NSL1: variants seen among roughly 807,000 people sequenced by gnomAD.
NSL1 encodes the protein NSL1 component of MIS12 kinetochore complex.
In NSL1, 11 loss-of-function variants were observed where a neutral mutation model predicts 25.4. The observed-to-expected ratio is 0.43, with a 90% CI of 0.27 to 0.72. NSL1 has a LOEUF of 0.72. NSL1 is among the 30% of genes least tolerant of loss of function. The pLI, the probability that NSL1 is intolerant of heterozygous loss-of-function variation, is 0.19. For synonymous variants in NSL1, 118 were observed against 120.6 expected (o/e 0.98, Z 0.14); for missense variants, 330 against 342.7 (o/e 0.96, Z 0.29).
rs1660854940 is a variant in NSL1 at position 212,784,398 on chromosome 1, C to T, written c.409G>A (p.Val137Ile). 1 of 1,588,982 alleles carries T rather than the reference C, an allele frequency of 6.3e-7. No homozygotes were observed. Among genetic ancestry groups the T allele is most frequent in the South Asian group, 1.2e-5 (1 of 86,656 alleles). The stretch of plus-strand genomic sequence containing the variant: ...TGTTTTGCTTTTATGGTTTTGATGA[C>T]ACATTCCAGGATCTTTCTGGGATAC... ...KQYPRKILEC[V>I]IKTIKAKQEI... Residue 137 changes from valine to isoleucine, a missense_variant, in exon 3 of 6, where the codon GTC (valine) becomes ATC (isoleucine). Coordinates refer to ENST00000366977, the MANE Select transcript of NSL1 (RefSeq NM_015471.4).
At chr1:212,744,786 C>T (rs1459858099) in intron 4 of NSL1, among the ~76,000 whole-genome samples, 1 of 152,100 alleles carries the variant, frequency 6.6e-6, no homozygotes, top group African/African-American at 2.4e-5. Flanking sequence ...AATTAAGGAA[C>T]TTGAAGGTAG....
intron 4 of NSL1, among the ~76,000 whole-genome samples, chr1:212,748,851 T>C (rs1434905611): frequency 6.6e-5 from 10 of 152,192 alleles, no homozygotes; most frequent in Admixed American, 6.5e-4. Context: ...AATATATTTT[T>C]CCAAGTAAAA....
At position 212,737,765 on chromosome 1, in the gene NSL1, A is replaced by G. The variant is rs2102426878; in HGVS notation, c.*643T>C. On this transcript the variant is annotated 3_prime_UTR_variant, in exon 6 of 6. Transcript: ENST00000366977. ...AGTGTGGGCAGGAAACATTGGCTAC[A>G]TGCCAATTTTTATTTCAAAGAGTAA... 1.0e-6 allele frequency: 1 copy of G among 984,966 alleles called. No homozygotes were observed. The highest frequency in any genetic ancestry group is 1.2e-6 in the Non-Finnish European group (1 of 829,476). 61.0% of individuals were successfully genotyped at this position (984,966 alleles called of 1,614,324 possible). A position where few individuals can be genotyped will look rare whatever the true frequency, so the allele number is the denominator to read the frequency against.
intron 4 of NSL1, among the ~76,000 whole-genome samples, chr1:212,758,341 C>T (rs1571886165): frequency 6.6e-6 from 1 of 152,186 alleles, no homozygotes; most frequent in East Asian, 1.9e-4. Flanking sequence ...GTCAGGCATC[C>T]AGATTAGAAA....
At chr1:212,745,922 C>T (rs1658769213) in intron 4 of NSL1, among the ~76,000 whole-genome samples, 3 of 152,290 alleles carry the variant, frequency 2.0e-5, no homozygotes, top group Admixed American at 2.0e-4. Flanking sequence ...GCTATGATGG[C>T]ACCACCACAC....
In NSL1 at chr1:212,727,980, A is replaced by C. The variant is rs562957818; in HGVS notation, c.*10428T>G. 3 of 985,416 alleles carry C rather than the reference A, an allele frequency of 3.0e-6. No individual in the cohort carries two copies. In the African/African-American group the frequency reaches 5.2e-5, roughly 17 times the overall value. 61.0% of individuals were successfully genotyped at this position (985,416 alleles called of 1,614,324 possible). On this transcript the variant is annotated 3_prime_UTR_variant, in exon 6 of 6. Coordinates refer to ENST00000366977, the MANE Select transcript of NSL1 (RefSeq NM_015471.4). ...ACTCTGGACAAGGCCTTTGCTGTGAACCACGGGGAGAAGGTGGAAGCAGAG... is the reference window on the plus strand; with the variant it reads ...ACTCTGGACAAGGCCTTTGCTGTGACCCACGGGGAGAAGGTGGAAGCAGAG...
At chr1:212,773,150 C>T (rs955967068) in intron 4 of NSL1, among the ~76,000 whole-genome samples, 8 of 152,048 alleles carry the variant, frequency 5.3e-5, no homozygotes, top group Non-Finnish European at 7.4e-5. Context: ...ACGGCTAGGA[C>T]CTCAAAAGCA....
intron 4 of NSL1, among the ~76,000 whole-genome samples, chr1:212,750,756 A>G (rs1479415701): frequency 6.6e-6 from 1 of 152,048 alleles, no homozygotes; most frequent in Non-Finnish European, 1.5e-5. Context: ...CCTGGCTAAC[A>G]TGGTGAAACC....
At chr1:212,772,052 G>C (rs938069409) in intron 4 of NSL1, among the ~76,000 whole-genome samples, 3 of 152,134 alleles carry the variant, frequency 2.0e-5, no homozygotes, top group African/African-American at 7.2e-5. Flanking sequence ...AACCCCTTTA[G>C]TTTGGCTCTC....
At chr1:212,753,008 T>A (rs1327783063) in intron 4 of NSL1, among the ~76,000 whole-genome samples, 1 of 152,056 alleles carries the variant, frequency 6.6e-6, no homozygotes, top group Non-Finnish European at 1.5e-5. Flanking sequence ...TCTAAAGAGG[T>A]AATTAAGCCA....
At chr1:212,743,642 A>ATAATT (rs1463693019) in intron 4 of NSL1, among the ~76,000 whole-genome samples, 1 of 152,164 alleles carries the variant, frequency 6.6e-6, no homozygotes, top group Non-Finnish European at 1.5e-5. Flanking sequence ...ATCATCAAAA[A>ATAATT]TGGTGGCATA....
chr1:212,731,527 CTTAA>C lies in NSL1; in HGVS notation c.*6877_*6880del. On this transcript the variant is annotated 3_prime_UTR_variant, in exon 6 of 6. Transcript: ENST00000366977. ...GTCTCTTAAACCAAATTTATTTTCC[CTTAA>C]TTACTATATGCATTTAATTTTAAAA... 1 of 985,278 alleles carries C rather than the reference CTTAA, an allele frequency of 1.0e-6. No homozygotes were observed. Among genetic ancestry groups the C allele is most frequent in the Middle Eastern group, 5.2e-4 (1 of 1,914 alleles). 61.0% of individuals were successfully genotyped at this position (985,278 alleles called of 1,614,324 possible). A position where few individuals can be genotyped will look rare whatever the true frequency, so the allele number is the denominator to read the frequency against.
Position 212,727,935 on chromosome 1 carries a change from T to TAGCGGTGAG in NSL1, c.*10464_*10472dup. The TAGCGGTGAG allele has an allele frequency of 1.0e-6, 1 of 985,474 alleles. No homozygotes were observed. Among genetic ancestry groups the TAGCGGTGAG allele is most frequent in the East Asian group, 1.1e-4 (1 of 8,826 alleles). The allele number at this position is 985,474 out of a possible 1,614,324, so 61.0% of individuals were successfully genotyped here. A position where few individuals can be genotyped will look rare whatever the true frequency, so the allele number is the denominator to read the frequency against. ...AAGAACCAACGAGGTCGCTGTGGTG[T>TAGCGGTGAG]AGCGGTGAGAGCGTCTGAGACTCTG... On this transcript the variant is annotated 3_prime_UTR_variant, in exon 6 of 6. Transcript: ENST00000366977.
chr1:212,745,183 T>A (rs532727507), intron 4 of NSL1, among the ~76,000 whole-genome samples: 12 of 20,876 alleles, frequency 5.7e-4, no homozygotes, highest in Non-Finnish European at 1.3e-3. Context: ...TATATATATA[T>A]ATATATATAT....
In NSL1 at chr1:212,729,516, T is replaced by C; in HGVS notation, c.*8892A>G. The C allele has an allele frequency of 5.1e-6, 5 of 985,426 alleles. No homozygotes were observed. Among genetic ancestry groups the C allele is most frequent in the Non-Finnish European group, 4.8e-6 (4 of 829,904 alleles). 61.0% of individuals were successfully genotyped at this position (985,426 alleles called of 1,614,324 possible). A position where few individuals can be genotyped will look rare whatever the true frequency, so the allele number is the denominator to read the frequency against. On this transcript the variant is annotated 3_prime_UTR_variant, in exon 6 of 6. Transcript: ENST00000366977. ...CTCTGGAGCTGGGGTGTATGGGACC[T>C]GGAGCAGGGGTGCCCTACAACTTTG...
chr1:212,766,003 G>A (rs1320020931), intron 4 of NSL1, among the ~76,000 whole-genome samples: 1 of 151,536 alleles, frequency 6.6e-6, no homozygotes, highest in East Asian at 2.0e-4. Context: ...GGGCGTGGTG[G>A]CGGGTGCCTG....
chr1:212,737,597 C>T lies in NSL1; in HGVS notation c.*811G>A. ...AAACATCTTCAAATGTGAAATAGTT[C>T]AATAACACAATGACACTTTGCCAGT... On this transcript the variant is annotated 3_prime_UTR_variant, in exon 6 of 6. Transcript: ENST00000366977. The T allele has an allele frequency of 1.0e-6, 1 of 959,638 alleles. No individual in the cohort carries two copies. Among genetic ancestry groups the T allele is most frequent in the Non-Finnish European group, 1.2e-6 (1 of 806,380 alleles). The allele number at this position is 959,638 out of a possible 1,614,324, so 59.4% of individuals were successfully genotyped here.
rs3086471 is a variant in NSL1, at chr1:212,764,843, CAAAAAAAAAAAAA to C, written c.499+17516_499+17528del. Among the ~76,000 whole-genome samples the C allele has an allele frequency of 1.3e-4, 5 of 38,874 alleles. No individual in the cohort carries two copies. The East Asian group carries it at 4.0e-3, about 31-fold the overall frequency. 25.5% of individuals were successfully genotyped at this position (38,874 alleles called of 152,430 possible). ...CCTGGGTGACACAGCAAGACTGTCT[CAAAAAAAAAAAAA>C]AAAAAAAAAAAAAAAGAAAGAAAGA... is the stretch of plus-strand genomic sequence containing the variant. On this transcript the variant is annotated intron_variant, in intron 4 of 5. Coordinates refer to ENST00000366977, the MANE Select transcript of NSL1 (RefSeq NM_015471.4).
chr1:212,786,577 G>A lies in NSL1; in HGVS notation c.313+982C>T, dbSNP rs556000820. ...AATCCCAACACTTTGGGAGGCCAAG[G>A]CAGGCAGATCACCTGAGTTTGAGAG... On this transcript the variant is annotated intron_variant, in intron 2 of 5. Transcript: ENST00000366977. Among the ~76,000 whole-genome samples the A allele has an allele frequency of 1.2e-4, 19 of 152,332 alleles. No homozygotes were observed. In the East Asian group the frequency reaches 3.7e-3, roughly 29 times the overall value.
Sources: allele counts gnomAD v4.1 joint callset (sites outside exome capture counted in the v4.1 genomes callset), GRCh38; gene constraint gnomAD v4.1.1; transcripts MANE v1.5; gene names NCBI Gene and HGNC (gene_info 2026-07-23, HGNC 2026-07-21).